The following GANC variants were observed in gnomAD, a reference collection of about 807,000 sequenced individuals.
The protein encoded by GANC is neutral alpha-glucosidase C.
Under a neutral mutation model 124.2 loss-of-function variants are expected in GANC, and 117 were observed. The observed-to-expected ratio is 0.94, with a 90% CI of 0.81 to 1.10. The LOEUF is 1.10. GANC is among the 50% of genes least tolerant of loss of function. GANC has a pLI of 0.00. For missense variants in GANC, 1,140 were observed against 1,095.0 expected (o/e 1.04, Z -0.58); for synonymous variants, 377 against 376.8 (o/e 1.00, Z -0.01).
chr15:42,316,615 G>T (rs1339224214), intron 10 of GANC, among the ~76,000 whole-genome samples: 1 of 152,200 alleles, frequency 6.6e-6, no homozygotes, highest in East Asian at 1.9e-4. Flanking sequence ...CATGAAAGTG[G>T]ACAAGGAACG....
intron 20 of GANC, among the ~76,000 whole-genome samples, chr15:42,346,369 A>G (rs1566962365): frequency 6.6e-6 from 1 of 152,200 alleles, no homozygotes; most frequent in Admixed American, 6.5e-5. Context: ...TTAAGGAGTC[A>G]TGGGGAATGA....
chr15:42,273,425 A>C lies in GANC; in HGVS notation c.-1057A>C, dbSNP rs769701784. On this transcript the variant is annotated 5_prime_UTR_variant, in exon 1 of 24. Coordinates refer to ENST00000318010, the MANE Select transcript of GANC (RefSeq NM_198141.3). ...TTCACAGCCGTGGAGTGCCTACCGA[A>C]AGCATTTCACCCTCTTCCGGTTCGT... The C allele has an allele frequency of 8.1e-6, 13 of 1,612,826 alleles. No homozygotes were observed. The highest frequency in any genetic ancestry group is 1.1e-5 in the South Asian group (1 of 91,052).
chr15:42,312,831 A>G (rs1303575321), intron 10 of GANC, among the ~76,000 whole-genome samples: 8 of 151,720 alleles, frequency 5.3e-5, no homozygotes, highest in Admixed American at 1.3e-4. Context: ...GCTACTCGGG[A>G]GGCTGAGGCA....
intron 6 of GANC, among the ~76,000 whole-genome samples, chr15:42,305,366 A>C (rs150435660): frequency 0.011 from 1,642 of 152,376 alleles, 26 homozygotes; most frequent in African/African-American, 0.037. Flanking sequence ...ATCACTGGTC[A>C]TTAGAGAAAT....
At chr15:42,313,225 T>C (rs1432183864) in intron 10 of GANC, among the ~76,000 whole-genome samples, 9 of 105,024 alleles carry the variant, frequency 8.6e-5, no homozygotes, top group Admixed American at 2.3e-4. Flanking sequence ...AAATATGTTA[T>C]ATGTGTATCA....
intron 15 of GANC, among the ~76,000 whole-genome samples, chr15:42,336,928 A>G (rs1448006785): frequency 6.6e-6 from 1 of 152,254 alleles, no homozygotes; most frequent in East Asian, 1.9e-4. Context: ...CAAAACCACA[A>G]TGAAATACCA....
intron 6 of GANC, among the ~76,000 whole-genome samples, chr15:42,304,050 A>G (rs2051971705): frequency 6.6e-6 from 1 of 152,234 alleles, no homozygotes. Flanking sequence ...AATAGAATGT[A>G]CATTCTTCTC....
At chr15:42,317,124 AATCC>A (rs2052113648) in intron 10 of GANC, among the ~76,000 whole-genome samples, 1 of 152,202 alleles carries the variant, frequency 6.6e-6, no homozygotes, top group African/African-American at 2.4e-5. Context: ...GCACCTGGGT[AATCC>A]TTCGCCCACA....
At chr15:42,337,545 TG>T (rs947652973) in intron 15 of GANC, among the ~76,000 whole-genome samples, 1 of 151,924 alleles carries the variant, frequency 6.6e-6, no homozygotes, top group African/African-American at 2.4e-5. Context: ...CAACAGACAC[TG>T]GGGCCTACCT....
chr15:42,349,775 A>G (rs746103767), intron 22 of GANC, among the ~76,000 whole-genome samples: 3 of 151,770 alleles, frequency 2.0e-5, no homozygotes, highest in Non-Finnish European at 4.4e-5. Context: ...CAGCCTCCCA[A>G]GTAGCTGGAA....
At position 42,352,260 on chromosome 15, in the gene GANC, A is replaced by G. The variant is rs2052452582; in HGVS notation, c.*121A>G. On this transcript the variant is annotated 3_prime_UTR_variant, in exon 24 of 24. Transcript: ENST00000318010. Reference sequence around the variant, plus strand: ...CTTCCCTGAATCAAAATAATCTTTCATTCGTCACCATTATACTAATGAACA... The same window carrying G: ...CTTCCCTGAATCAAAATAATCTTTCGTTCGTCACCATTATACTAATGAACA... 1.3e-6 allele frequency: 2 copies of G among 1,492,204 alleles called. No individual in the cohort carries two copies. The highest frequency in any genetic ancestry group is 2.4e-5 in the Admixed American group (1 of 41,796). The allele number at this position is 1,492,204 out of a possible 1,614,324, so 92.4% of individuals were successfully genotyped here. A position where few individuals can be genotyped will look rare whatever the true frequency, so the allele number is the denominator to read the frequency against.
At chr15:42,308,668 G>A (rs1417056406) in intron 8 of GANC, among the ~76,000 whole-genome samples, 2 of 152,150 alleles carry the variant, frequency 1.3e-5, no homozygotes, top group Non-Finnish European at 2.9e-5. Context: ...TGTATTTTTA[G>A]TAGAGACAGG....
At chr15:42,313,219 A>C (rs1319765472) in intron 10 of GANC, among the ~76,000 whole-genome samples, 1 of 125,418 alleles carries the variant, frequency 8.0e-6, no homozygotes, top group Non-Finnish European at 1.7e-5. Flanking sequence ...ATTCAAAAAT[A>C]TGTTATATGT....
intron 6 of GANC, among the ~76,000 whole-genome samples, chr15:42,298,396 A>G (rs1358867596): frequency 2.6e-5 from 4 of 152,198 alleles, no homozygotes; most frequent in Non-Finnish European, 5.9e-5. Context: ...AGTACCTCCT[A>G]TATCCCAGGC....
chr15:42,338,341 C>G (rs115796238), intron 15 of GANC, 48 bp from the exon 16 acceptor site: 21 of 1,311,184 alleles, frequency 1.6e-5, no homozygotes, highest in Non-Finnish European at 2.2e-5. Context: ...GGAAATTGAA[C>G]GCATGGGTTG....
chr15:42,341,809 C>T (rs1391297741), intron 18 of GANC, among the ~76,000 whole-genome samples: 1 of 152,104 alleles, frequency 6.6e-6, no homozygotes, highest in Non-Finnish European at 1.5e-5. Context: ...GGTGATCCAC[C>T]CACCTCGGCC....
At chr15:42,281,354 GC>G (rs1260890778) in intron 3 of GANC, among the ~76,000 whole-genome samples, 2 of 152,162 alleles carry the variant, frequency 1.3e-5, no homozygotes, top group Non-Finnish European at 2.9e-5. Context: ...CACTAATGTT[GC>G]CTGCATCTTA....
chr15:42,321,073 C>G (rs908086838), intron 10 of GANC, among the ~76,000 whole-genome samples: 1 of 152,106 alleles, frequency 6.6e-6, no homozygotes, highest in Non-Finnish European at 1.5e-5. Flanking sequence ...GACCAGAAGT[C>G]CTTCACGTTA....
At chr15:42,330,745 T>C in intron 15 of GANC, 73 bp downstream of exon 15, 1 of 924,468 alleles carries the variant, frequency 1.1e-6, no homozygotes, top group Non-Finnish European at 1.7e-6. Flanking sequence ...GAATGTGATG[T>C]TACTGTGCTG....
Sources: allele counts gnomAD v4.1 joint callset (sites outside exome capture counted in the v4.1 genomes callset), GRCh38; gene constraint gnomAD v4.1.1; transcripts MANE v1.5; gene names NCBI Gene and HGNC (gene_info 2026-07-23, HGNC 2026-07-21).